Variants in BIN3 observed in about 807,000 individuals in gnomAD.
The protein encoded by BIN3 is bridging integrator 3.
In BIN3, 41 loss-of-function variants were observed where a neutral mutation model predicts 38.2. The observed-to-expected ratio is 1.07, with a 90% CI of 0.84 to 1.39. The LOEUF (loss-of-function observed/expected upper bound fraction) is 1.39, where lower values mean the gene tolerates loss of function less well. BIN3 is among the 40% of genes most tolerant of loss of function. The probability of loss-of-function intolerance (pLI) is 0.00; values close to 1 mark genes in which losing one functional copy is unlikely to be tolerated. For missense variants in BIN3, 361 were observed against 324.3 expected (o/e 1.11, Z -0.87); for synonymous variants, 145 against 122.6 (o/e 1.18, Z -1.21).
At chr8:22,644,714 T>C (rs1215811792) in intron 2 of BIN3, 41 bp downstream of exon 2, 1 of 1,592,368 alleles carries the variant, frequency 6.3e-7, no homozygotes, top group Non-Finnish European at 8.6e-7. Context: ...GGCCATGTGA[T>C]ACAGAACTGA....
intron 2 of BIN3, 153 bp downstream of exon 2, chr8:22,644,602 G>C: frequency 1.4e-6 from 1 of 708,568 alleles, no homozygotes; most frequent in Non-Finnish European, 2.5e-6. Context: ...CTAAGCCTCA[G>C]TCTATGTGAG....
chr8:22,636,854 G>A, intron 3 of BIN3, 68 bp downstream of exon 3: 1 of 1,538,886 alleles, frequency 6.5e-7, no homozygotes, highest in South Asian at 1.1e-5. Flanking sequence ...GGGCAGACAG[G>A]TGAGACCTGG....
At position 22,636,535 on chromosome 8, in the gene BIN3, G is replaced by A. The variant is rs538652645; in HGVS notation, c.150C>T (p.Asp50=). The A allele has an allele frequency of 8.4e-5, 130 of 1,552,682 alleles. 2 individuals carry two copies. In the South Asian group the frequency reaches 1.2e-3, roughly 15 times the overall value. The part of the protein sequence containing the change: ...RLQKDMKKST[D]ADLAMSKSAV... Reference sequence around the variant, plus strand: ...TGGAAAGTCACCTACCCAGGTCTGCGTCGGTGCTCTTCTTCATGTCTTTCT... The same window carrying A: ...TGGAAAGTCACCTACCCAGGTCTGCATCGGTGCTCTTCTTCATGTCTTTCT... Residue 50 remains aspartate (D), a synonymous_variant, in exon 4 of 9, where the codon GAC becomes GAT. Transcript: ENST00000276416.
intron 8 of BIN3, chr8:22,622,547 A>G (rs1801859420): frequency 1.3e-5 from 2 of 152,274 alleles, no homozygotes; most frequent in South Asian, 4.1e-4. Context: ...TCACTTCTCC[A>G]TGACTAATGG....
chr8:22,626,323 T>C (rs878051), intron 6 of BIN3: 61,991 of 152,168 alleles, frequency 0.41, 12,977 homozygotes, highest in South Asian at 0.5. Flanking sequence ...GGGGTGAGAC[T>C]GCTGGGAGGA....
intron 1 of BIN3, among the ~76,000 whole-genome samples, chr8:22,665,359 T>G (rs1394405364): frequency 6.6e-6 from 1 of 152,184 alleles, no homozygotes; most frequent in Non-Finnish European, 1.5e-5. Flanking sequence ...TAATAAACAC[T>G]TCCTGACTGC....
chr8:22,629,759 C>A, intron 6 of BIN3: 1 of 605,124 alleles, frequency 1.7e-6, no homozygotes, highest in Non-Finnish European at 2.9e-6. Context: ...ACCCTGAGCT[C>A]GCCTGGGCCA....
intron 1 of BIN3, among the ~76,000 whole-genome samples, chr8:22,645,136 G>C (rs1329407203): frequency 2.7e-5 from 4 of 150,064 alleles, no homozygotes; most frequent in Non-Finnish European, 4.4e-5. Context: ...CTGTTCTCTA[G>C]CCTAAGCGAC....
intron 6 of BIN3, among the ~76,000 whole-genome samples, chr8:22,627,479 G>A (rs956122446): frequency 4.3e-4 from 66 of 152,308 alleles, no homozygotes; most frequent in African/African-American, 1.4e-3. Flanking sequence ...GGCTCAGGCT[G>A]CTGGCAGGGG....
At chr8:22,650,582 T>C (rs1467410818) in intron 1 of BIN3, among the ~76,000 whole-genome samples, 1 of 152,246 alleles carries the variant, frequency 6.6e-6, no homozygotes. Context: ...AGTTATAGTG[T>C]GCACAGTCTA....
At chr8:22,633,358 GC>G (rs1019107421) in intron 4 of BIN3, among the ~76,000 whole-genome samples, 10 of 152,126 alleles carry the variant, frequency 6.6e-5, no homozygotes, top group African/African-American at 2.4e-4. Context: ...TGTGGTCCCT[GC>G]CCCAGCCCAT....
chr8:22,657,254 A>G (rs1008445003), intron 1 of BIN3, among the ~76,000 whole-genome samples: 1 of 152,248 alleles, frequency 6.6e-6, no homozygotes, highest in Non-Finnish European at 1.5e-5. Context: ...GCTCTGACTT[A>G]AGGTTCCTGA....
intron 1 of BIN3, 78 bp downstream of exon 1, chr8:22,668,966 G>A: frequency 1.3e-6 from 2 of 1,538,568 alleles, no homozygotes; most frequent in Non-Finnish European, 1.8e-6. Context: ...GAGGGAGCCG[G>A]GACGCGGCAC....
intron 6 of BIN3, among the ~76,000 whole-genome samples, chr8:22,629,474 A>G (rs3758041): frequency 0.4 from 61,445 of 152,206 alleles, 12,732 homozygotes; most frequent in South Asian, 0.51. Context: ...CACAAGCTAG[A>G]GGACCTTCCC....
At chr8:22,637,032 G>C (rs1802389777) in intron 2 of BIN3, 70 bp from the exon 3 acceptor site, 3 of 1,416,576 alleles carry the variant, frequency 2.1e-6, no homozygotes, top group East Asian at 4.6e-5. Context: ...CCAGCCTCCT[G>C]AAACTCTCTC....
At chr8:22,636,034 C>T (rs1170987431) in intron 4 of BIN3, among the ~76,000 whole-genome samples, 6 of 152,200 alleles carry the variant, frequency 3.9e-5, no homozygotes, top group African/African-American at 9.7e-5. Context: ...AAGGACCTCC[C>T]GGTGCCCTTT....
chr8:22,634,177 G>A (rs1049082102), intron 4 of BIN3, among the ~76,000 whole-genome samples: 9 of 152,194 alleles, frequency 5.9e-5, no homozygotes, highest in Non-Finnish European at 7.3e-5. Context: ...AGTGGGGACC[G>A]ATCAAGAAAA....
rs1801747919 is a variant in BIN3, at chr8:22,620,555, G to C, written c.*867C>G. On this transcript the variant is annotated 3_prime_UTR_variant, in exon 9 of 9. Coordinates refer to ENST00000276416, the MANE Select transcript of BIN3 (RefSeq NM_018688.6). ...CACCCAGCGCCTCTGCTGGACCACG[G>C]TGCAGTTCGCTCCAGAAGGTGGGCC... 1.3e-5 allele frequency: 2 copies of C among 152,096 alleles called. No individual in the cohort carries two copies. Among genetic ancestry groups the C allele is most frequent in the South Asian group, 4.1e-4 (2 of 4,826 alleles). 9.4% of individuals were successfully genotyped at this position (152,096 alleles called of 1,614,324 possible).
chr8:22,638,049 A>C (rs958990316), intron 2 of BIN3, among the ~76,000 whole-genome samples: 1 of 148,802 alleles, frequency 6.7e-6, no homozygotes, highest in Non-Finnish European at 1.5e-5. Flanking sequence ...ATTCTCCTGG[A>C]AGGCATTTGC....
Sources: gnomAD v4.1 joint callset for allele counts (sites outside exome capture counted in the v4.1 genomes callset) on GRCh38, gnomAD v4.1.1 for gene constraint, MANE v1.5 for transcripts, NCBI Gene and HGNC (gene_info 2026-07-23, HGNC 2026-07-21) for gene names.